The following SYN3 variants were observed in gnomAD, a reference collection of about 807,000 sequenced individuals.
SYN3 encodes the protein synapsin-3.
Under a neutral mutation model 65.8 loss-of-function variants are expected in SYN3, and 35 were observed. The observed-to-expected ratio is 0.53, with a 90% CI of 0.41 to 0.70. The LOEUF is 0.70. Among genes scored for constraint, SYN3 ranks in the 30% least tolerant of loss-of-function variants. SYN3 has a pLI of 0.00. For synonymous variants in SYN3, 270 were observed against 292.9 expected (o/e 0.92, Z 0.80); for missense variants, 680 against 749.0 (o/e 0.91, Z 1.08).
At chr22:33,051,474 T>A (rs1217072627) in intron 1 of SYN3, among the ~76,000 whole-genome samples, 1 of 152,098 alleles carries the variant, frequency 6.6e-6, no homozygotes, top group Non-Finnish European at 1.5e-5. Flanking sequence ...TCAGTTTACA[T>A]CTTGAGGCAC....
intron 1 of SYN3, among the ~76,000 whole-genome samples, chr22:33,039,468 T>C (rs1001403395): frequency 2.0e-5 from 3 of 150,848 alleles, no homozygotes; most frequent in Non-Finnish European, 4.4e-5. Context: ...CTCCGCCTCC[T>C]GGGTTCAAGC....
chr22:32,740,878 G>T (rs2061395522), intron 6 of SYN3, among the ~76,000 whole-genome samples: 1 of 152,208 alleles, frequency 6.6e-6, no homozygotes, highest in South Asian at 2.1e-4. Flanking sequence ...AGTATCCAAA[G>T]AAGGATCAAA....
intron 6 of SYN3, among the ~76,000 whole-genome samples, chr22:32,615,695 C>T (rs2059509708): frequency 6.6e-6 from 1 of 152,258 alleles, no homozygotes; most frequent in African/African-American, 2.4e-5. Context: ...CAGTTTTAAA[C>T]CCACCCTAGT....
chr22:33,018,183 T>C (rs1201560002), intron 1 of SYN3, among the ~76,000 whole-genome samples: 1 of 152,206 alleles, frequency 6.6e-6, no homozygotes, highest in Non-Finnish European at 1.5e-5. Context: ...AAGGCCGTTG[T>C]AGTCATTTTG....
intron 6 of SYN3, among the ~76,000 whole-genome samples, chr22:32,753,290 G>C (rs1247368953): frequency 6.6e-6 from 1 of 152,146 alleles, no homozygotes; most frequent in Non-Finnish European, 1.5e-5. Flanking sequence ...GCCGGTGGGA[G>C]CTCCTTCCTA....
At chr22:32,802,369 G>T (rs2046612602) in intron 6 of SYN3, among the ~76,000 whole-genome samples, 1 of 152,126 alleles carries the variant, frequency 6.6e-6, no homozygotes, top group Non-Finnish European at 1.5e-5. Context: ...TCCTAACTTA[G>T]GTCGTGAGGT....
intron 11 of SYN3, 81 bp from the exon 12 acceptor site, chr22:32,528,086 T>G: frequency 9.1e-7 from 1 of 1,101,362 alleles, no homozygotes; most frequent in South Asian, 1.6e-5. Context: ...TTTATGAAGA[T>G]CTTTTTATCA....
intron 7 of SYN3, among the ~76,000 whole-genome samples, chr22:32,544,051 G>A (rs2058300085): frequency 6.6e-6 from 1 of 152,180 alleles, no homozygotes; most frequent in Non-Finnish European, 1.5e-5. Context: ...CAATTCTCCT[G>A]CCTCAGCCGG....
intron 1 of SYN3, among the ~76,000 whole-genome samples, chr22:33,055,714 G>A (rs2054243850): frequency 2.0e-5 from 3 of 152,230 alleles, no homozygotes; most frequent in Admixed American, 2.0e-4. Context: ...TATTGAAACT[G>A]AAGGCAAGGA....
chr22:33,027,561 C>A (rs2053658961), intron 1 of SYN3, among the ~76,000 whole-genome samples: 2 of 151,636 alleles, frequency 1.3e-5, no homozygotes, highest in African/African-American at 2.4e-5. Context: ...TACACCACTG[C>A]ACTCCAGCCT....
intron 6 of SYN3, among the ~76,000 whole-genome samples, chr22:32,808,179 C>T (rs2046817252): frequency 1.3e-5 from 2 of 152,304 alleles, no homozygotes; most frequent in Admixed American, 6.5e-5. Context: ...CCATTTATTA[C>T]ACCAAGTTGT....
chr22:32,991,708 G>T (rs1360660310), intron 2 of SYN3, among the ~76,000 whole-genome samples: 1 of 152,222 alleles, frequency 6.6e-6, no homozygotes, highest in South Asian at 2.1e-4. Context: ...CAGCTGCACA[G>T]ACAACCCCTA....
At chr22:32,631,049 T>C (rs2146816765) in intron 6 of SYN3, among the ~76,000 whole-genome samples, 1 of 151,342 alleles carries the variant, frequency 6.6e-6, no homozygotes, top group South Asian at 2.1e-4. Context: ...ATCCCAGCAA[T>C]TTGGGAGGCC....
At chr22:32,820,197 A>G (rs2047197344) in intron 6 of SYN3, among the ~76,000 whole-genome samples, 1 of 151,790 alleles carries the variant, frequency 6.6e-6, no homozygotes. Flanking sequence ...TCACTCCCTC[A>G]GGGCATGATC....
chr22:32,577,166 C>T (rs1033318531), intron 7 of SYN3, among the ~76,000 whole-genome samples: 3 of 152,178 alleles, frequency 2.0e-5, no homozygotes, highest in African/African-American at 7.2e-5. Context: ...GAATGCACTG[C>T]CAGGGTTAAG....
At chr22:32,869,851 C>T (rs969398999) in intron 4 of SYN3, among the ~76,000 whole-genome samples, 7 of 151,982 alleles carry the variant, frequency 4.6e-5, no homozygotes, top group African/African-American at 1.5e-4. Flanking sequence ...GGACCATCTC[C>T]CCATTTTATA....
At chr22:32,880,290 G>T (rs1297094102) in intron 4 of SYN3, among the ~76,000 whole-genome samples, 1 of 152,202 alleles carries the variant, frequency 6.6e-6, no homozygotes, top group Non-Finnish European at 1.5e-5. Context: ...GGAGGCTAAA[G>T]TAGGGATTTG....
intron 3 of SYN3, among the ~76,000 whole-genome samples, chr22:32,941,645 C>T (rs1034926096): frequency 2.0e-5 from 3 of 152,110 alleles, no homozygotes; most frequent in Non-Finnish European, 2.9e-5. Context: ...CAAAGCAGGG[C>T]GAGGCATCGC....
chr22:32,793,849 C>A (rs986203362), intron 6 of SYN3, among the ~76,000 whole-genome samples: 1 of 152,338 alleles, frequency 6.6e-6, no homozygotes, highest in East Asian at 1.9e-4. Context: ...TAAATCAAGA[C>A]ACAGCAAGGG....
Sources: allele counts gnomAD v4.1 joint callset (sites outside exome capture counted in the v4.1 genomes callset), GRCh38; gene constraint gnomAD v4.1.1; transcripts MANE v1.5; gene names NCBI Gene and HGNC (gene_info 2026-07-23, HGNC 2026-07-21).